The following CDH20 variants were observed in gnomAD, a reference collection of about 807,000 sequenced individuals.
CDH20 encodes the protein cadherin 20.
In CDH20, 29 loss-of-function variants were observed where a neutral mutation model predicts 74.2. That is an observed-to-expected ratio of 0.39 (90% CI 0.29 to 0.53). The LOEUF (loss-of-function observed/expected upper bound fraction) is 0.53, where lower values mean the gene tolerates loss of function less well. CDH20 is among the 20% of genes least tolerant of loss of function. The probability of loss-of-function intolerance (pLI) is 0.69; values close to 1 mark genes in which losing one functional copy is unlikely to be tolerated. For synonymous variants in CDH20, 469 were observed against 405.4 expected (o/e 1.16, Z -1.88); for missense variants, 988 against 1,048.3 (o/e 0.94, Z 0.79).
chr18:61,453,733 T>C (rs1909476404), intron 1 of CDH20, among the ~76,000 whole-genome samples: 1 of 152,224 alleles, frequency 6.6e-6, no homozygotes, highest in Non-Finnish European at 1.5e-5. Flanking sequence ...GGGTTGTTTC[T>C]AGTTTGGGGG....
intron 1 of CDH20, among the ~76,000 whole-genome samples, chr18:61,486,756 C>G (rs759801171): frequency 6.6e-6 from 1 of 152,192 alleles, no homozygotes; most frequent in East Asian, 1.9e-4. Context: ...TAGGCCACAT[C>G]AGAACCTTAA....
intron 6 of CDH20, among the ~76,000 whole-genome samples, chr18:61,513,600 G>C (rs1911866616): frequency 6.6e-6 from 1 of 151,660 alleles, no homozygotes; most frequent in Non-Finnish European, 1.5e-5. Flanking sequence ...AGTCTCCATG[G>C]TCTTTACATT....
chr18:61,541,799 C>G (rs1913049674), intron 9 of CDH20, among the ~76,000 whole-genome samples: 1 of 152,170 alleles, frequency 6.6e-6, no homozygotes. Context: ...TAGTAAGCAG[C>G]CTTGAAGGAA....
At chr18:61,517,738 C>A (rs1912052052) in intron 6 of CDH20, among the ~76,000 whole-genome samples, 1 of 151,610 alleles carries the variant, frequency 6.6e-6, no homozygotes, top group Non-Finnish European at 1.5e-5. Flanking sequence ...TTGTTTTACC[C>A]CCAGTGGCAC....
intron 1 of CDH20, among the ~76,000 whole-genome samples, chr18:61,407,378 A>G (rs1409313826): frequency 2.0e-5 from 3 of 152,236 alleles, no homozygotes; most frequent in Non-Finnish European, 4.4e-5. Context: ...GAAAGAAGTT[A>G]ACAATTACAA....
At chr18:61,391,873 C>T (rs1911795720) in intron 1 of CDH20, among the ~76,000 whole-genome samples, 1 of 151,936 alleles carries the variant, frequency 6.6e-6, no homozygotes, top group Non-Finnish European at 1.5e-5. Flanking sequence ...GATTCTAAAA[C>T]TATTCTACCT....
At chr18:61,469,400 CACA>C (rs1910082899) in intron 1 of CDH20, among the ~76,000 whole-genome samples, 1 of 149,822 alleles carries the variant, frequency 6.7e-6, no homozygotes, top group Non-Finnish European at 1.5e-5. Context: ...CACACACACA[CACA>C]CCCCTATATA....
intron 1 of CDH20, among the ~76,000 whole-genome samples, chr18:61,472,718 AATT>A (rs1480949499): frequency 6.6e-6 from 1 of 152,210 alleles, no homozygotes; most frequent in Non-Finnish European, 1.5e-5. Flanking sequence ...AATCATTTTA[AATT>A]ATTATTGGGT....
chr18:61,412,884 C>A (rs1406735294), intron 1 of CDH20, among the ~76,000 whole-genome samples: 2 of 152,092 alleles, frequency 1.3e-5, no homozygotes, highest in Non-Finnish European at 2.9e-5. Context: ...AGTATGTGAA[C>A]AATGGATCTC....
intron 1 of CDH20, among the ~76,000 whole-genome samples, chr18:61,363,905 A>G (rs1291724642): frequency 3.3e-5 from 5 of 152,142 alleles, no homozygotes; most frequent in Non-Finnish European, 5.9e-5. Context: ...GTGAATTTTT[A>G]TATTGTTTTA....
At chr18:61,541,254 CTTTAT>C (rs911999687) in intron 9 of CDH20, among the ~76,000 whole-genome samples, 65 of 151,350 alleles carry the variant, frequency 4.3e-4, no homozygotes, top group African/African-American at 1.5e-3. Context: ...AGGTTTGGGT[CTTTAT>C]TTTAATAATT....
intron 1 of CDH20, among the ~76,000 whole-genome samples, chr18:61,374,829 G>A (rs978077507): frequency 6.6e-6 from 1 of 152,086 alleles, no homozygotes; most frequent in South Asian, 2.1e-4. Flanking sequence ...TTTGTAAAGG[G>A]TGTTTCTTTC....
chr18:61,497,342 T>A (rs1911207248), intron 2 of CDH20, among the ~76,000 whole-genome samples: 1 of 152,114 alleles, frequency 6.6e-6, no homozygotes, highest in South Asian at 2.1e-4. Flanking sequence ...AGCCACAACC[T>A]CCAAACCCAT....
intron 11 of CDH20, among the ~76,000 whole-genome samples, chr18:61,553,983 G>A (rs962730522): frequency 1.3e-5 from 2 of 152,118 alleles, no homozygotes; most frequent in Admixed American, 6.5e-5. Flanking sequence ...GAAATACAGG[G>A]CTTCATTGTC....
chr18:61,351,614 A>G (rs143685512), intron 1 of CDH20, among the ~76,000 whole-genome samples: 1 of 152,106 alleles, frequency 6.6e-6, no homozygotes, highest in Admixed American at 6.5e-5. Context: ...TTACTTTTGG[A>G]CAGCAAAAAT....
chr18:61,458,955 A>G lies in CDH20; in HGVS notation c.-152-31447A>G, dbSNP rs79260971. ...AGTCCTTGTTTGTATTTACTTGAGA[A>G]GCACAGATCTATTTCTGAACAGCTT... On this transcript the variant is annotated intron_variant, in intron 1 of 11. Coordinates refer to ENST00000262717, the MANE Select transcript of CDH20 (RefSeq NM_031891.4). Among the ~76,000 whole-genome samples the G allele has an allele frequency of 9.8e-3, 1,493 of 152,350 alleles. 20 individuals carry two copies. The highest frequency in any genetic ancestry group is 0.033 in the African/African-American group (1,365 of 41,586).
intron 1 of CDH20, among the ~76,000 whole-genome samples, chr18:61,356,764 G>T (rs887313653): frequency 7.2e-5 from 11 of 152,060 alleles, no homozygotes; most frequent in African/African-American, 2.7e-4. Flanking sequence ...AAAAAAGAGG[G>T]GAAAAAATAA....
intron 1 of CDH20, among the ~76,000 whole-genome samples, chr18:61,425,971 A>G (rs1346371117): frequency 6.6e-6 from 1 of 152,202 alleles, no homozygotes; most frequent in East Asian, 1.9e-4. Context: ...ACTCTTTTTG[A>G]TGCTATTACA....
chr18:61,503,828 G>A (rs1343888753), intron 5 of CDH20, among the ~76,000 whole-genome samples: 1 of 152,240 alleles, frequency 6.6e-6, no homozygotes, highest in African/African-American at 2.4e-5. Flanking sequence ...ACAGAAGGAT[G>A]AGATTTCAAC....
Sources: gnomAD v4.1 joint callset for allele counts (sites outside exome capture counted in the v4.1 genomes callset) on GRCh38, gnomAD v4.1.1 for gene constraint, MANE v1.5 for transcripts, NCBI Gene and HGNC (gene_info 2026-07-23, HGNC 2026-07-21) for gene names.